Variants in PDF observed in about 807,000 individuals in gnomAD.
PDF encodes the protein peptide deformylase-like protein.
In PDF, 31 loss-of-function variants were observed where a neutral mutation model predicts 20.3. The ratio of observed to expected loss-of-function variants is 1.52; its 90% confidence interval spans 1.15 to 2.06. PDF has a LOEUF of 2.06. Ranked by LOEUF, PDF falls within the 30% of genes most tolerant of loss-of-function variation. PDF has a pLI of 0.00. For missense variants in PDF, 447 were observed against 362.5 expected (o/e 1.23, Z -1.89); for synonymous variants, 254 against 172.0 (o/e 1.48, Z -3.73).
At chr16:69,329,778 C>G (rs928865364) in intron 1 of PDF, among the ~76,000 whole-genome samples, 2 of 152,236 alleles carry the variant, frequency 1.3e-5, no homozygotes, top group Non-Finnish European at 2.9e-5. Context: ...TGTCAGGTAA[C>G]AGCGGAACTA....
rs564020270 is a variant in PDF, at chr16:69,328,632, G to A, written c.*390C>T. 165 of 206,904 alleles carry A rather than the reference G, an allele frequency of 8.0e-4. 1 individual carries two copies. The highest frequency in any genetic ancestry group is 7.2e-3 in the Middle Eastern group (4 of 554). The allele number at this position is 206,904 out of a possible 1,614,324, so 12.8% of individuals were successfully genotyped here. The stretch of plus-strand genomic sequence containing the variant: ...ACTCGGCACAAATGGCCAGTCACAT[G>A]CTTACCTGCATTTTTAAAGACAGCT... On this transcript the variant is annotated 3_prime_UTR_variant, in exon 2 of 2. Coordinates refer to ENST00000288022, the MANE Select transcript of PDF (RefSeq NM_022341.2).
chr16:69,330,530 C>G lies in PDF; in HGVS notation c.41G>C (p.Trp14Ser). 1.6e-5 allele frequency: 24 copies of G among 1,477,096 alleles called. No individual in the cohort carries two copies. The highest frequency in any genetic ancestry group is 2.0e-5 in the Non-Finnish European group (23 of 1,122,758). 91.5% of individuals were successfully genotyped at this position (1,477,096 alleles called of 1,614,324 possible). Residue 14 changes from tryptophan to serine, a missense_variant, in exon 1 of 2, where the codon TGG (tryptophan) becomes TCG (serine). Transcript: ENST00000288022. ...LWGALSLWPL[W>S]AAVPWGGAAA... ...CGCCCCGCCCCACGGCACGGCCGCC[C>G]ACAGTGGCCAAAGACTCAGCGCGCC...
rs1463364882 is a variant in PDF at position 69,330,051 on chromosome 16, T to G, written c.520A>C (p.Ser174Arg). ...RLVTFPEGCE[S>R]VAGFLACVPR... The stretch of plus-strand genomic sequence containing the variant: ...ACGCAGGCCAGGAAGCCGGCGACGC[T>G]CTCGCAGCCCTCGGGAAAGGTGACC... Residue 174 changes from serine to arginine, a missense_variant, in exon 1 of 2, where the codon AGC becomes CGC. Coordinates refer to ENST00000288022, the MANE Select transcript of PDF (RefSeq NM_022341.2). The G allele has an allele frequency of 1.9e-6, 3 of 1,552,226 alleles. No individual in the cohort carries two copies. In the Admixed American group the frequency reaches 5.8e-5, roughly 30 times the overall value.
Position 69,330,068 on chromosome 16 carries a change from AAGGTGACC to A in PDF, c.495_502del (p.Val166SerfsTer58), listed in dbSNP as rs770921393. The A allele has an allele frequency of 2.6e-6, 4 of 1,562,614 alleles. No homozygotes were observed. The highest frequency in any genetic ancestry group is 1.2e-5 in the South Asian group (1 of 85,098). On this transcript the variant is annotated frameshift_variant, in exon 1 of 2. Transcript: ENST00000288022. LOFTEE classifies it high-confidence loss of function. ...GGCGACGCTCTCGCAGCCCTCGGGA[AAGGTGACC>A]AGGCGGCTGTCAAGCACTCGCAGGC... is the stretch of plus-strand genomic sequence containing the variant.
In PDF at chr16:69,328,770, C is replaced by T. The variant is rs919950714; in HGVS notation, c.*252G>A. 2.1e-6 allele frequency: 1 copy of T among 481,686 alleles called. No homozygotes were observed. The highest frequency in any genetic ancestry group is 2.0e-5 in the African/African-American group (1 of 49,126). 29.8% of individuals were successfully genotyped at this position (481,686 alleles called of 1,614,324 possible). A position where few individuals can be genotyped will look rare whatever the true frequency, so the allele number is the denominator to read the frequency against. ...TGCAATTACCCCACCTTCCTCCATA[C>T]AGAATTGTTAGGAAATGTCCACTCC... On this transcript the variant is annotated 3_prime_UTR_variant, in exon 2 of 2. Transcript: ENST00000288022.
At position 69,327,984 on chromosome 16, in the gene PDF, G is replaced by C. The variant is rs569326662; in HGVS notation, c.*1038C>G. 1 of 151,102 alleles carries C rather than the reference G, an allele frequency of 6.6e-6. No homozygotes were observed. Among genetic ancestry groups the C allele is most frequent in the African/African-American group, 2.4e-5 (1 of 41,280 alleles). 9.4% of individuals were successfully genotyped at this position (151,102 alleles called of 1,614,324 possible). A position where few individuals can be genotyped will look rare whatever the true frequency, so the allele number is the denominator to read the frequency against. On this transcript the variant is annotated 3_prime_UTR_variant, in exon 2 of 2. Transcript: ENST00000288022. ...TCATACTTTTGAGTCTCGCTCTGTC[G>C]CCCAGGCTGGATGGAGTGCAGTGGC... is the stretch of plus-strand genomic sequence containing the variant.
rs1172236439 is a variant in PDF at position 69,330,557 on chromosome 16, C to A, written c.14G>T (p.Trp5Leu). The A allele has an allele frequency of 8.9e-6, 13 of 1,467,308 alleles. No homozygotes were observed. The highest frequency in any genetic ancestry group is 4.5e-6 in the Non-Finnish European group (5 of 1,119,392). The allele number at this position is 1,467,308 out of a possible 1,614,324, so 90.9% of individuals were successfully genotyped here. MARL[W>L]GALSLWPLWA... ...CAGTGGCCAAAGACTCAGCGCGCCC[C>A]ACAGCCGGGCCATGGCGGCCCCCTT... Residue 5 changes from tryptophan to leucine, a missense_variant, in exon 1 of 2, where the codon TGG (tryptophan) becomes TTG (leucine). Trp to Leu is a moderately conservative substitution (Grantham distance 61, BLOSUM62 -2). Coordinates refer to ENST00000288022, the MANE Select transcript of PDF (RefSeq NM_022341.2).
intron 1 of PDF, 140 bp downstream of exon 1, chr16:69,329,857 G>A: frequency 5.4e-6 from 6 of 1,102,110 alleles, no homozygotes; most frequent in Non-Finnish European, 7.4e-6. Flanking sequence ...TATCCGTCCT[G>A]AGGCCTCTCC....
At position 69,328,218 on chromosome 16, in the gene PDF, T is replaced by C. The variant is rs1468210799; in HGVS notation, c.*804A>G. The C allele has an allele frequency of 6.6e-6, 1 of 152,186 alleles. No homozygotes were observed. Among genetic ancestry groups the C allele is most frequent in the African/African-American group, 2.4e-5 (1 of 41,434 alleles). The allele number at this position is 152,186 out of a possible 1,614,324, so 9.4% of individuals were successfully genotyped here. A position where few individuals can be genotyped will look rare whatever the true frequency, so the allele number is the denominator to read the frequency against. Reference sequence around the variant, plus strand: ...GCCCCGCCCTCCCAAAGTGCTGGGATTACAGGCGTGAACCACTGCACCTGG... The same window carrying C: ...GCCCCGCCCTCCCAAAGTGCTGGGACTACAGGCGTGAACCACTGCACCTGG... On this transcript the variant is annotated 3_prime_UTR_variant, in exon 2 of 2. Transcript: ENST00000288022.
Position 69,329,260 on chromosome 16 carries a change from C to A in PDF, c.575-81G>T, listed in dbSNP as rs1020949819. 5.7e-6 allele frequency: 8 copies of A among 1,397,712 alleles called. No homozygotes were observed. The East Asian group carries it at 1.9e-4, about 34-fold the overall frequency. 86.6% of individuals were successfully genotyped at this position (1,397,712 alleles called of 1,614,324 possible). A position where few individuals can be genotyped will look rare whatever the true frequency, so the allele number is the denominator to read the frequency against. On this transcript the variant is annotated intron_variant, in intron 1 of 1. Transcript: ENST00000288022. ...AACCTCCCTACCCCTGCCCCCGGTCCTGGCTGTTCCCATTGACAAGAGGCA... is the reference window on the plus strand; with the variant it reads ...AACCTCCCTACCCCTGCCCCCGGTCATGGCTGTTCCCATTGACAAGAGGCA...
Position 69,328,971 on chromosome 16 carries a change from GAA to G in PDF, c.*49_*50del. ...AAGTAAGATTTGCCCAGCTCAAAGT[GAA>G]AGTGTTTGCGTCTTGGTATCCGGAA... On this transcript the variant is annotated 3_prime_UTR_variant, in exon 2 of 2. Transcript: ENST00000288022. 1.9e-6 allele frequency: 3 copies of G among 1,577,646 alleles called. No homozygotes were observed. The highest frequency in any genetic ancestry group is 2.3e-5 in the East Asian group (1 of 42,666).
At position 69,330,153 on chromosome 16, in the gene PDF, G is replaced by T; in HGVS notation, c.418C>A (p.Arg140Ser). ...ALCRECPPRQ[R>S]ALRQMEPFPL... ...AAGGGCTCCATTTGGCGGAGCGCGC[G>T]CTGGCGGGGCGGGCACTCCCGACAC... Residue 140 changes from arginine (R) to serine (S), a missense_variant, in exon 1 of 2, where the codon CGC becomes AGC. Physicochemically the swap from Arg to Ser is moderately radical, Grantham distance 110. Coordinates refer to ENST00000288022, the MANE Select transcript of PDF (RefSeq NM_022341.2). 1 of 1,545,526 alleles carries T rather than the reference G, an allele frequency of 6.5e-7. No individual in the cohort carries two copies. The highest frequency in any genetic ancestry group is 8.7e-7 in the Non-Finnish European group (1 of 1,150,366).
At position 69,326,977 on chromosome 16, in the gene PDF, A is replaced by G. The variant is rs749212792; in HGVS notation, c.*2045T>C. ...ACAAAAGCGTTAACCTCAGAAAGCTATAAGAAGCATCAAAAGATTGCCATA... is the reference window on the plus strand; with the variant it reads ...ACAAAAGCGTTAACCTCAGAAAGCTGTAAGAAGCATCAAAAGATTGCCATA... On this transcript the variant is annotated 3_prime_UTR_variant, in exon 2 of 2. Coordinates refer to ENST00000288022, the MANE Select transcript of PDF (RefSeq NM_022341.2). 55 of 152,308 alleles carry G rather than the reference A, an allele frequency of 3.6e-4. 1 individual carries two copies. Among genetic ancestry groups the G allele is most frequent in the Non-Finnish European group, 6.6e-4 (45 of 68,040 alleles). 9.4% of individuals were successfully genotyped at this position (152,308 alleles called of 1,614,324 possible).
Position 69,329,898 on chromosome 16 carries a change from G to A in PDF, c.574+99C>T, listed in dbSNP as rs1375275313. The A allele has an allele frequency of 5.2e-6, 7 of 1,356,890 alleles. No individual in the cohort carries two copies. The East Asian group carries it at 1.5e-4, about 29-fold the overall frequency. The allele number at this position is 1,356,890 out of a possible 1,614,324, so 84.1% of individuals were successfully genotyped here. The stretch of plus-strand genomic sequence containing the variant: ...CGCATCCCACTTCGCTCCTGCGGGA[G>A]GTCCGGCGTATGAACCGCGACCACT... On this transcript the variant is annotated intron_variant, in intron 1 of 1. Coordinates refer to ENST00000288022, the MANE Select transcript of PDF (RefSeq NM_022341.2).
chr16:69,329,702 G>A (rs984708823), intron 1 of PDF, among the ~76,000 whole-genome samples: 5 of 152,226 alleles, frequency 3.3e-5, no homozygotes, highest in Admixed American at 6.5e-5. Flanking sequence ...CACCGTGGCG[G>A]ATCTAACTGG....
chr16:69,330,525 C>T lies in PDF; in HGVS notation c.46G>A (p.Ala16Thr). ...GALSLWPLWAAVPWGGAAAVG... is the reference protein window; with the variant it reads ...GALSLWPLWATVPWGGAAAVG... ...GCTGCCGCCCCGCCCCACGGCACGG[C>T]CGCCCACAGTGGCCAAAGACTCAGC... Residue 16 changes from alanine (A) to threonine (T), a missense_variant, in exon 1 of 2, where the codon GCC becomes ACC. By Grantham distance (58) the Ala-to-Thr change is moderately conservative. Coordinates refer to ENST00000288022, the MANE Select transcript of PDF (RefSeq NM_022341.2). 6.8e-7 allele frequency: 1 copy of T among 1,476,364 alleles called. No individual in the cohort carries two copies. Among genetic ancestry groups the T allele is most frequent in the South Asian group, 1.3e-5 (1 of 77,726 alleles). 91.5% of individuals were successfully genotyped at this position (1,476,364 alleles called of 1,614,324 possible).
At position 69,329,156 on chromosome 16, in the gene PDF, C is replaced by T. The variant is rs560916783; in HGVS notation, c.598G>A (p.Val200Met). Residue 200 changes from valine (V) to methionine (M), a missense_variant, in exon 2 of 2, where the codon GTG (valine) becomes ATG (methionine). Physicochemically the swap from Val to Met is conservative, Grantham distance 21. Coordinates refer to ENST00000288022, the MANE Select transcript of PDF (RefSeq NM_022341.2). Reference sequence around the variant, plus strand: ...GCCCACCCGCTCGCCTGCCACACCACCTGTTCTCCATTGGGGTCCAGCCCT... The same window carrying T: ...GCCCACCCGCTCGCCTGCCACACCATCTGTTCTCCATTGGGGTCCAGCCCT... ...ISGLDPNGEQ[V>M]VWQASGWAAR... 10 of 1,607,536 alleles carry T rather than the reference C, an allele frequency of 6.2e-6. No homozygotes were observed. The South Asian group carries it at 7.8e-5, about 12-fold the overall frequency.
rs761040407 is a variant in PDF, at chr16:69,329,142, C to T, written c.612G>A (p.Ala204=). 2.1e-5 allele frequency: 33 copies of T among 1,608,388 alleles called. No individual in the cohort carries two copies. The highest frequency in any genetic ancestry group is 2.6e-5 in the Non-Finnish European group (31 of 1,178,846). ...GGATGATGCGGGCTGCCCACCCGCT[C>T]GCCTGCCACACCACCTGTTCTCCAT... The part of the protein sequence containing the change: ...DPNGEQVVWQ[A]SGWAARIIQH... Residue 204 remains alanine, a synonymous_variant, in exon 2 of 2, where the codon GCG becomes GCA. Transcript: ENST00000288022.
intron 1 of PDF, 77 bp downstream of exon 1, chr16:69,329,920 C>T: frequency 7.1e-6 from 10 of 1,418,370 alleles, no homozygotes; most frequent in Non-Finnish European, 9.2e-6. Context: ...GAACCGCGAC[C>T]ACTTCTGCGC....
Sources: allele counts gnomAD v4.1 joint callset (sites outside exome capture counted in the v4.1 genomes callset), GRCh38; gene constraint gnomAD v4.1.1; transcripts MANE v1.5; gene names NCBI Gene and HGNC (gene_info 2026-07-23, HGNC 2026-07-21).